The following PKDCC variants were observed in gnomAD, a reference collection of about 807,000 sequenced individuals.
PKDCC encodes protein kinase domain containing, cytoplasmic.
Under a neutral mutation model 44.7 loss-of-function variants are expected in PKDCC, and 35 were observed. The observed-to-expected ratio is 0.78, with a 90% CI of 0.60 to 1.04. The LOEUF (loss-of-function observed/expected upper bound fraction) is 1.04. Among genes scored for constraint, PKDCC ranks in the 50% least tolerant of loss-of-function variants. PKDCC has a pLI of 0.00. For missense variants in PKDCC, 738 were observed against 672.7 expected, an observed-to-expected ratio of 1.10 and a Z score of -1.07; for synonymous variants, 353 against 303.3, an observed-to-expected ratio of 1.16 and a Z score of -1.70.
chr2:42,054,710 A>C lies in PKDCC; in HGVS notation c.1035-231A>C. On this transcript the variant is annotated intron_variant, in intron 3 of 6. Coordinates refer to ENST00000294964, the MANE Select transcript of PKDCC (RefSeq NM_138370.3). The surrounding 1 kb of genome is among the most constrained non-coding windows in gnomAD (Gnocchi z 6.1). ...GCTGGGAGGTGGGCAAGTCCTGGGA[A>C]GGGTTGGGAAGCAGGCCCCTGGTTT... The C allele has an allele frequency of 1.7e-6, 1 of 579,490 alleles. No individual in the cohort carries two copies. The highest frequency in any genetic ancestry group is 3.1e-6 in the Non-Finnish European group (1 of 325,360). The allele number at this position is 579,490 out of a possible 1,614,324, so 35.9% of individuals were successfully genotyped here. A position where few individuals can be genotyped will look rare whatever the true frequency, so the allele number is the denominator to read the frequency against.
chr2:42,050,755 C>T (rs1558431209), intron 1 of PKDCC, among the ~76,000 whole-genome samples: 1 of 152,098 alleles, frequency 6.6e-6, no homozygotes, highest in African/African-American at 2.4e-5. Flanking sequence ...GGTCACAGGT[C>T]CTTTCTACCC....
chr2:42,056,166 T>G (rs973995522), intron 5 of PKDCC, among the ~76,000 whole-genome samples: 3 of 152,074 alleles, frequency 2.0e-5, no homozygotes, highest in Non-Finnish European at 4.4e-5. Flanking sequence ...GCCCTGGACT[T>G]TGGTCTAGTC....
Position 42,048,757 on chromosome 2 carries a change from G to T in PKDCC, c.558G>T (p.Arg186Ser). 2 of 1,583,474 alleles carry T rather than the reference G, an allele frequency of 1.3e-6. No individual in the cohort carries two copies. The change falls in exon 1 of 7, where the codon AGG becomes AGT. Residue 186 changes from arginine to serine, a missense_variant. Transcript: ENST00000294964. The surrounding 1 kb of genome is among the most constrained non-coding windows in gnomAD (Gnocchi z 6.2). ...GSCVREFGVRRGCYRLAAHKL... is the reference protein window; with the variant it reads ...GSCVREFGVRSGCYRLAAHKL... ...GCGTGCGCGAGTTCGGGGTACGGAG[G>T]GGCTGCTATCGGCTGGCGGCCCACA...
At chr2:42,057,012 G>C (rs574371297) in intron 5 of PKDCC, among the ~76,000 whole-genome samples, 2 of 152,150 alleles carry the variant, frequency 1.3e-5, no homozygotes, top group African/African-American at 2.4e-5. Context: ...TGTATCTCCT[G>C]AAAATCAAGT....
intron 1 of PKDCC, among the ~76,000 whole-genome samples, chr2:42,050,680 C>G (rs1667949566): frequency 6.6e-6 from 1 of 152,188 alleles, no homozygotes; most frequent in Non-Finnish European, 1.5e-5. Context: ...CTGTGTGACT[C>G]TTTATTGTAG....
rs544411383 is a variant in PKDCC at position 42,054,798 on chromosome 2, A to G, written c.1035-143A>G. 2.5e-4 allele frequency: 193 copies of G among 782,140 alleles called. No individual in the cohort carries two copies. In the African/African-American group the frequency reaches 2.9e-3, roughly 12 times the overall value. 48.5% of individuals were successfully genotyped at this position (782,140 alleles called of 1,614,324 possible). On this transcript the variant is annotated intron_variant, in intron 3 of 6. Transcript: ENST00000294964. This position sits in a 1 kb window ranked among gnomAD's most constrained non-coding sequence, Gnocchi z 6.1. Reference sequence around the variant, plus strand: ...CCAGAACCCTCCCCCGAGGCTGAGTAGACTTCACTGCGTTCTGCCTGGTTG... The same window carrying G: ...CCAGAACCCTCCCCCGAGGCTGAGTGGACTTCACTGCGTTCTGCCTGGTTG...
At chr2:42,057,101 C>T in intron 5 of PKDCC, 120 bp from the exon 6 acceptor site, 1 of 1,180,006 alleles carries the variant, frequency 8.5e-7, no homozygotes, top group South Asian at 1.4e-5. Context: ...GAGGGCTGGG[C>T]TGGACTTCAG....
rs924183519 is a variant in PKDCC at position 42,052,096 on chromosome 2, A to T, written c.640-1143A>T. Among the ~76,000 whole-genome samples, 3 of 152,080 alleles carry T rather than the reference A, an allele frequency of 2.0e-5. No homozygotes were observed. Among genetic ancestry groups the T allele is most frequent in the African/African-American group, 7.2e-5 (3 of 41,382 alleles). On this transcript the variant is annotated intron_variant, in intron 1 of 6. Coordinates refer to ENST00000294964, the MANE Select transcript of PKDCC (RefSeq NM_138370.3). This position sits in a 1 kb window ranked among gnomAD's most constrained non-coding sequence, Gnocchi z 4.3. ...TAGTGACACTCAGGCTTTGCTTCCC[A>T]GAAGTCCCTGGGCAGTGCGGAGCTT...
chr2:42,057,846 A>T lies in PKDCC; in HGVS notation c.*158A>T. On this transcript the variant is annotated 3_prime_UTR_variant, in exon 7 of 7. Transcript: ENST00000294964. ...CAGATGTGACCAGGACAAACGTGCA[A>T]TAATGCCAAATGTTAAAATGTGAGT... 1.6e-6 allele frequency: 1 copy of T among 625,120 alleles called. No individual in the cohort carries two copies. Among genetic ancestry groups the T allele is most frequent in the Non-Finnish European group, 2.8e-6 (1 of 359,628 alleles). The allele number at this position is 625,120 out of a possible 1,614,324, so 38.7% of individuals were successfully genotyped here. A position where few individuals can be genotyped will look rare whatever the true frequency, so the allele number is the denominator to read the frequency against.
In PKDCC at chr2:42,057,292, A is replaced by T; in HGVS notation, c.1294A>T (p.Ser432Cys). 6.2e-7 allele frequency: 1 copy of T among 1,614,156 alleles called. No homozygotes were observed. The highest frequency in any genetic ancestry group is 8.5e-7 in the Non-Finnish European group (1 of 1,180,032). Residue 432 changes from serine (S) to cysteine (C), a missense_variant, in exon 6 of 7, where the codon AGC becomes TGC. Coordinates refer to ENST00000294964, the MANE Select transcript of PKDCC (RefSeq NM_138370.3). ...CTGCTGGCCATCCTACCACCACGGG[A>T]GCTGCCTCCTTTCAGTGTTCAACCT... ...YRCWPSYHHG[S>C]CLLSVFNLAE...
In PKDCC at chr2:42,051,744, C is replaced by T. The variant is rs1395219081; in HGVS notation, c.640-1495C>T. Reference sequence around the variant, plus strand: ...AGGGTGCCTGGAGCTGCCCTGGCCCCCCAAGTCACAGCCCAAGAGTGAGGC... The same window carrying T: ...AGGGTGCCTGGAGCTGCCCTGGCCCTCCAAGTCACAGCCCAAGAGTGAGGC... On this transcript the variant is annotated intron_variant, in intron 1 of 6. Transcript: ENST00000294964. This position sits in a 1 kb window ranked among gnomAD's most constrained non-coding sequence, Gnocchi z 4.2. Among the ~76,000 whole-genome samples, 1 of 152,052 alleles carries T rather than the reference C, an allele frequency of 6.6e-6. No homozygotes were observed. Among genetic ancestry groups the T allele is most frequent in the Non-Finnish European group, 1.5e-5 (1 of 67,988 alleles).
In PKDCC at chr2:42,051,768, G is replaced by A. The variant is rs1475288867; in HGVS notation, c.640-1471G>A. Among the ~76,000 whole-genome samples the A allele has an allele frequency of 1.3e-5, 2 of 152,090 alleles. No homozygotes were observed. The highest frequency in any genetic ancestry group is 2.9e-5 in the Non-Finnish European group (2 of 67,998). The stretch of plus-strand genomic sequence containing the variant: ...CCCCAAGTCACAGCCCAAGAGTGAG[G>A]CCTTCCCCCATGCCAGCAGGATGAC... On this transcript the variant is annotated intron_variant, in intron 1 of 6. Coordinates refer to ENST00000294964, the MANE Select transcript of PKDCC (RefSeq NM_138370.3). This position sits in a 1 kb window ranked among gnomAD's most constrained non-coding sequence, Gnocchi z 4.2.
intron 1 of PKDCC, among the ~76,000 whole-genome samples, chr2:42,050,280 G>C (rs13408547): frequency 0.018 from 2,682 of 152,256 alleles, 75 homozygotes; most frequent in African/African-American, 0.061. Flanking sequence ...ATTCTAACTG[G>C]GAGGATCTTG....
At position 42,054,514 on chromosome 2, in the gene PKDCC, AG is replaced by A; in HGVS notation, c.1034+212del. The stretch of plus-strand genomic sequence containing the variant: ...GACAGCTCCAAGGAGAATCCGGGTT[AG>A]GGGGTGGCAGCTGGAGGCTTCTTAA... On this transcript the variant is annotated intron_variant, in intron 3 of 6. Coordinates refer to ENST00000294964, the MANE Select transcript of PKDCC (RefSeq NM_138370.3). This position sits in a 1 kb window ranked among gnomAD's most constrained non-coding sequence, Gnocchi z 6.1. The A allele has an allele frequency of 4.7e-6, 3 of 638,796 alleles. No homozygotes were observed. Among genetic ancestry groups the A allele is most frequent in the South Asian group, 4.3e-5 (2 of 46,096 alleles). The allele number at this position is 638,796 out of a possible 1,614,324, so 39.6% of individuals were successfully genotyped here.
chr2:42,054,820 G>C lies in PKDCC; in HGVS notation c.1035-121G>C. ...AGTAGACTTCACTGCGTTCTGCCTG[G>C]TTGCTAGGCCTGAGGGATCCGGCTC... On this transcript the variant is annotated intron_variant, in intron 3 of 6. Transcript: ENST00000294964. This position sits in a 1 kb window ranked among gnomAD's most constrained non-coding sequence, Gnocchi z 6.1. 1 of 919,536 alleles carries C rather than the reference G, an allele frequency of 1.1e-6. No individual in the cohort carries two copies. The highest frequency in any genetic ancestry group is 1.4e-5 in the South Asian group (1 of 70,638). The allele number at this position is 919,536 out of a possible 1,614,324, so 57.0% of individuals were successfully genotyped here.
In PKDCC at chr2:42,052,015, T is replaced by C. The variant is rs1375154455; in HGVS notation, c.640-1224T>C. 6.6e-6 allele frequency among the ~76,000 whole-genome samples: 1 copy of C among 152,064 alleles called. No individual in the cohort carries two copies. The highest frequency in any genetic ancestry group is 1.5e-5 in the Non-Finnish European group (1 of 68,000). ...TTTGAGCACCATACGAGCCCCTAGC[T>C]GCTGTGGAGTATGTTGGAAGAGCCA... On this transcript the variant is annotated intron_variant, in intron 1 of 6. Coordinates refer to ENST00000294964, the MANE Select transcript of PKDCC (RefSeq NM_138370.3). The surrounding 1 kb of genome is among the most constrained non-coding windows in gnomAD (Gnocchi z 4.3).
Position 42,055,508 on chromosome 2 carries a change from G to A in PKDCC, c.1222+115G>A. The A allele has an allele frequency of 1.2e-6, 1 of 806,610 alleles. No individual in the cohort carries two copies. The highest frequency in any genetic ancestry group is 1.7e-5 in the South Asian group (1 of 58,796). 50.0% of individuals were successfully genotyped at this position (806,610 alleles called of 1,614,324 possible). On this transcript the variant is annotated intron_variant, in intron 5 of 6. Coordinates refer to ENST00000294964, the MANE Select transcript of PKDCC (RefSeq NM_138370.3). This position sits in a 1 kb window ranked among gnomAD's most constrained non-coding sequence, Gnocchi z 4.5. ...TCTCTGGGGACCCTTGTCTCCAAAGGCCACTGTAGGGGCTCACATAGAATC... is the reference window on the plus strand; with the variant it reads ...TCTCTGGGGACCCTTGTCTCCAAAGACCACTGTAGGGGCTCACATAGAATC...
chr2:42,055,928 G>A lies in PKDCC; in HGVS notation c.1222+535G>A, dbSNP rs564960118. 3.9e-5 allele frequency among the ~76,000 whole-genome samples: 6 copies of A among 152,292 alleles called. No individual in the cohort carries two copies. The South Asian group carries it at 1.2e-3, about 32-fold the overall frequency. On this transcript the variant is annotated intron_variant, in intron 5 of 6. Transcript: ENST00000294964. This position sits in a 1 kb window ranked among gnomAD's most constrained non-coding sequence, Gnocchi z 4.5. ...AACCAGCCAAGAAGCCCCAGGGCAG[G>A]GGGAGAATTCTGGCCACTGGTTTCA...
rs1320467830 is a variant in PKDCC, at chr2:42,052,502, A to G, written c.640-737A>G. ...AGTGGCTCACGCCTGTAATCCCAACATTTTGGGAGGCCAAGGTAGGCAGAT... is the reference window on the plus strand; with the variant it reads ...AGTGGCTCACGCCTGTAATCCCAACGTTTTGGGAGGCCAAGGTAGGCAGAT... On this transcript the variant is annotated intron_variant, in intron 1 of 6. Coordinates refer to ENST00000294964, the MANE Select transcript of PKDCC (RefSeq NM_138370.3). This position sits in a 1 kb window ranked among gnomAD's most constrained non-coding sequence, Gnocchi z 4.3. Among the ~76,000 whole-genome samples, 1 of 152,168 alleles carries G rather than the reference A, an allele frequency of 6.6e-6. No individual in the cohort carries two copies. Among genetic ancestry groups the G allele is most frequent in the Non-Finnish European group, 1.5e-5 (1 of 68,016 alleles).
Sources: gnomAD v4.1 joint callset for allele counts (sites outside exome capture counted in the v4.1 genomes callset) on GRCh38, gnomAD v4.1.1 for gene constraint, Gnocchi (gnomAD v3.1) non-coding constraint, MANE v1.5 for transcripts, NCBI Gene and HGNC (gene_info 2026-07-23, HGNC 2026-07-21) for gene names.